CCDC25: variants seen among roughly 807,000 people sequenced by gnomAD.
The protein encoded by CCDC25 is coiled-coil domain containing 25, also known as coiled-coil domain-containing protein 25.
A neutral mutation model predicts 35.3 loss-of-function variants in CCDC25; 16 were observed. The observed-to-expected ratio is 0.45, with a 90% CI of 0.31 to 0.69. CCDC25 has a LOEUF of 0.69. CCDC25 is among the 30% of genes least tolerant of loss of function. The pLI, the probability that CCDC25 is intolerant of heterozygous loss-of-function variation, is 0.06. For missense variants in CCDC25, 179 were observed against 250.7 expected (o/e 0.71, Z 1.93); for synonymous variants, 79 against 80.3 (o/e 0.98, Z 0.09).
At chr8:27,752,611 T>G in intron 4 of CCDC25, 24 bp from the exon 5 acceptor site, 1 of 1,573,692 alleles carries the variant, frequency 6.4e-7, no homozygotes, top group Non-Finnish European at 8.7e-7. Flanking sequence ...ATAAACCAAT[T>G]GGTCCACTAC....
rs968680092 is a variant in CCDC25 at position 27,734,776 on chromosome 8, C to T, written c.*1440G>A. The T allele has an allele frequency of 6.6e-6, 1 of 152,118 alleles. No homozygotes were observed. Among genetic ancestry groups the T allele is most frequent in the African/African-American group, 2.4e-5 (1 of 41,416 alleles). 9.4% of individuals were successfully genotyped at this position (152,118 alleles called of 1,614,324 possible). On this transcript the variant is annotated 3_prime_UTR_variant, in exon 9 of 9. Coordinates refer to ENST00000356537, the MANE Select transcript of CCDC25 (RefSeq NM_018246.3). ...AGGTACAGAGGAATTCTGTAGAAGC[C>T]GGACTCCTTGGAAGTATGGAAGGAG...
At chr8:27,738,856 T>TA (rs1184214203) in intron 8 of CCDC25, among the ~76,000 whole-genome samples, 1 of 152,198 alleles carries the variant, frequency 6.6e-6, no homozygotes, top group Non-Finnish European at 1.5e-5. Context: ...TCAAGAAATC[T>TA]AAAATTAGCT....
intron 8 of CCDC25, among the ~76,000 whole-genome samples, chr8:27,740,201 T>A (rs1040892851): frequency 1.3e-5 from 2 of 152,172 alleles, no homozygotes; most frequent in African/African-American, 2.4e-5. Context: ...AATAAAGTCC[T>A]GTAAATATAA....
chr8:27,747,011 T>A (rs541446537), intron 7 of CCDC25, among the ~76,000 whole-genome samples: 176 of 152,310 alleles, frequency 1.2e-3, no homozygotes, highest in African/African-American at 4.1e-3. Flanking sequence ...TTTTTCTTTT[T>A]GGCATATGTA....
chr8:27,758,909 C>T (rs558835764), intron 3 of CCDC25, among the ~76,000 whole-genome samples: 1 of 152,168 alleles, frequency 6.6e-6, no homozygotes, highest in South Asian at 2.1e-4. Flanking sequence ...TATCAATATA[C>T]ACCAATTTCA....
chr8:27,763,751 T>G (rs1053513813), intron 2 of CCDC25, among the ~76,000 whole-genome samples: 1 of 152,090 alleles, frequency 6.6e-6, no homozygotes, highest in African/African-American at 2.4e-5. Context: ...TTGTGAATGA[T>G]TCATATGTGA....
chr8:27,733,355 G>A lies in CCDC25; in HGVS notation c.*2861C>T, dbSNP rs1803101258. ...TAAGCTTTTATTATTGTATTTTACA[G>A]ATCATTCATTCAGGACATGCTGCAT... On this transcript the variant is annotated 3_prime_UTR_variant, in exon 9 of 9. Transcript: ENST00000356537. 6.6e-6 allele frequency: 1 copy of A among 152,186 alleles called. No individual in the cohort carries two copies. Among genetic ancestry groups the A allele is most frequent in the Non-Finnish European group, 1.5e-5 (1 of 68,038 alleles). The allele number at this position is 152,186 out of a possible 1,614,324, so 9.4% of individuals were successfully genotyped here.
intron 1 of CCDC25, among the ~76,000 whole-genome samples, chr8:27,770,490 C>T (rs558971211): frequency 8.5e-5 from 13 of 152,086 alleles, no homozygotes; most frequent in African/African-American, 2.9e-4. Context: ...GTAATCCCAG[C>T]ACTTTGGGAG....
chr8:27,760,709 C>T (rs1367953744), intron 3 of CCDC25, among the ~76,000 whole-genome samples: 1 of 152,216 alleles, frequency 6.6e-6, no homozygotes, highest in African/African-American at 2.4e-5. Flanking sequence ...ATGTTTTCAG[C>T]ATTGCACACT....
chr8:27,752,190 T>C (rs970938848), intron 5 of CCDC25, among the ~76,000 whole-genome samples: 2 of 152,234 alleles, frequency 1.3e-5, no homozygotes, highest in Non-Finnish European at 2.9e-5. Flanking sequence ...GCTATCAACA[T>C]TGCCAAATTT....
At chr8:27,749,509 A>T (rs74848798) in intron 5 of CCDC25, among the ~76,000 whole-genome samples, 7,732 of 152,294 alleles carry the variant, frequency 0.051, 344 homozygotes, top group East Asian at 0.21. Flanking sequence ...ATGGGATTCT[A>T]ATCCAGAGGA....
At chr8:27,736,492 C>G (rs1803233482) in intron 8 of CCDC25, among the ~76,000 whole-genome samples, 1 of 152,174 alleles carries the variant, frequency 6.6e-6, no homozygotes, top group Admixed American at 6.5e-5. Context: ...GACCACTGAT[C>G]TCTAAATAAT....
At chr8:27,770,144 A>AAAAAAAC (rs1301431907) in intron 1 of CCDC25, among the ~76,000 whole-genome samples, 1 of 152,108 alleles carries the variant, frequency 6.6e-6, no homozygotes, top group Non-Finnish European at 1.5e-5. Flanking sequence ...ACTCCATCTC[A>AAAAAAAC]AAAAAACAAA....
At chr8:27,759,323 A>G (rs1389730914) in intron 3 of CCDC25, among the ~76,000 whole-genome samples, 2 of 152,174 alleles carry the variant, frequency 1.3e-5, no homozygotes, top group Non-Finnish European at 2.9e-5. Flanking sequence ...AGATGAATTT[A>G]GGGCTGGGCA....
intron 7 of CCDC25, among the ~76,000 whole-genome samples, chr8:27,746,839 C>T (rs991211210): frequency 2.0e-5 from 3 of 152,078 alleles, no homozygotes; most frequent in African/African-American, 7.2e-5. Flanking sequence ...CACGTGCATG[C>T]GAATAATAAA....
chr8:27,768,784 G>A (rs955369405), intron 1 of CCDC25, among the ~76,000 whole-genome samples: 3 of 152,136 alleles, frequency 2.0e-5, no homozygotes, highest in Non-Finnish European at 2.9e-5. Context: ...AACTTCAGAG[G>A]TGATCTGATT....
At chr8:27,760,365 AT>A (rs1804182636) in intron 3 of CCDC25, among the ~76,000 whole-genome samples, 1 of 152,196 alleles carries the variant, frequency 6.6e-6, no homozygotes, top group Non-Finnish European at 1.5e-5. Flanking sequence ...TAGGTTAAAA[AT>A]TTCCATCAGC....
chr8:27,766,471 G>C (rs1247021783), intron 1 of CCDC25, among the ~76,000 whole-genome samples: 1 of 152,182 alleles, frequency 6.6e-6, no homozygotes, highest in Non-Finnish European at 1.5e-5. Flanking sequence ...AAGTCCAGAA[G>C]TAGTTGAGAA....
intron 7 of CCDC25, among the ~76,000 whole-genome samples, chr8:27,742,547 T>C (rs1803473831): frequency 6.6e-6 from 1 of 152,302 alleles, no homozygotes; most frequent in South Asian, 2.1e-4. Context: ...AAAATTCCCA[T>C]CTATGTGACA....
Sources: allele counts gnomAD v4.1 joint callset (sites outside exome capture counted in the v4.1 genomes callset), GRCh38; gene constraint gnomAD v4.1.1; transcripts MANE v1.5; gene names NCBI Gene and HGNC (gene_info 2026-07-23, HGNC 2026-07-21).